Variants in CHRM2 observed in about 807,000 individuals in gnomAD.
CHRM2 encodes the protein cholinergic receptor muscarinic 2.
In CHRM2, 8 loss-of-function variants were observed where a neutral mutation model predicts 25.0. The ratio of observed to expected loss-of-function variants is 0.32; its 90% CI spans 0.19 to 0.58. The LOEUF (loss-of-function observed/expected upper bound fraction) is 0.58. CHRM2 is among the 20% of genes least tolerant of loss of function. The pLI is 0.88. For missense variants in CHRM2, 440 were observed against 567.1 expected, an observed-to-expected ratio of 0.78 and a Z score of 2.28; for synonymous variants, 202 against 205.7, an observed-to-expected ratio of 0.98 and a Z score of 0.15.
At chr7:136,893,789 T>C (rs1217683642) in intron 2 of CHRM2, among the ~76,000 whole-genome samples, 1 of 152,190 alleles carries the variant, frequency 6.6e-6, no homozygotes, top group African/African-American at 2.4e-5. Context: ...AGGAGATGTG[T>C]TGAGGGGCTG....
intron 2 of CHRM2, among the ~76,000 whole-genome samples, chr7:136,886,004 T>C (rs1394679288): frequency 2.0e-5 from 3 of 152,208 alleles, no homozygotes; most frequent in Non-Finnish European, 4.4e-5. Context: ...GGCCAGACTA[T>C]GAAAGAGTCA....
intron 2 of CHRM2, among the ~76,000 whole-genome samples, chr7:136,938,045 C>T (rs982903293): frequency 6.6e-6 from 1 of 152,094 alleles, no homozygotes; most frequent in Non-Finnish European, 1.5e-5. Context: ...AATCACTGAA[C>T]GTAATGGTGT....
At position 136,948,184 on chromosome 7, in the gene CHRM2, T is replaced by C. The variant is rs74462926; in HGVS notation, c.-124-44003T>C. Among the ~76,000 whole-genome samples the C allele has an allele frequency of 1.5e-3, 234 of 152,060 alleles. 2 individuals are homozygous for C. The East Asian group carries it at 0.031, about 20-fold the overall frequency. ...CACCAATGCATAAAGTAATGGACTA[T>C]GGAGTAACTATCATCTAGATAGAAA... On this transcript the variant is annotated intron_variant, in intron 2 of 3. Transcript: ENST00000680005.
chr7:136,877,201 C>T (rs867756114), intron 2 of CHRM2, among the ~76,000 whole-genome samples: 12 of 151,928 alleles, frequency 7.9e-5, no homozygotes, highest in African/African-American at 2.4e-4. Flanking sequence ...TTGCTGTAGC[C>T]GGAGACTTTT....
At chr7:136,919,143 G>A (rs558837524) in intron 2 of CHRM2, among the ~76,000 whole-genome samples, 1 of 152,090 alleles carries the variant, frequency 6.6e-6, no homozygotes, top group South Asian at 2.1e-4. Context: ...TCTTGTTCTT[G>A]GTTCAAGACA....
At chr7:136,886,604 T>C (rs1022716969) in intron 2 of CHRM2, among the ~76,000 whole-genome samples, 9 of 152,100 alleles carry the variant, frequency 5.9e-5, no homozygotes, top group Non-Finnish European at 1.3e-4. Context: ...CAGTGGCTCA[T>C]GTCTGTAATC....
At chr7:136,956,141 A>G (rs1045887825) in intron 2 of CHRM2, among the ~76,000 whole-genome samples, 1 of 152,210 alleles carries the variant, frequency 6.6e-6, no homozygotes, top group Non-Finnish European at 1.5e-5. Context: ...TACAACATAG[A>G]GAATAAAATT....
At chr7:136,935,083 C>T (rs1245489543) in intron 2 of CHRM2, among the ~76,000 whole-genome samples, 1 of 151,936 alleles carries the variant, frequency 6.6e-6, no homozygotes, top group East Asian at 1.9e-4. Flanking sequence ...AGATTCAGTG[C>T]AATTCTGATT....
At chr7:136,919,841 CT>C (rs2130728050) in intron 2 of CHRM2, among the ~76,000 whole-genome samples, 1 of 152,230 alleles carries the variant, frequency 6.6e-6, no homozygotes, top group East Asian at 1.9e-4. Flanking sequence ...TATTTTGGCC[CT>C]TTCAGCTCTA....
chr7:136,936,532 G>T (rs1403759040), intron 2 of CHRM2, among the ~76,000 whole-genome samples: 1 of 152,084 alleles, frequency 6.6e-6, no homozygotes, highest in East Asian at 1.9e-4. Context: ...ATCCATCACA[G>T]CAGATCACAG....
chr7:136,941,913 T>G (rs1330537258), intron 2 of CHRM2, among the ~76,000 whole-genome samples: 1 of 152,170 alleles, frequency 6.6e-6, no homozygotes, highest in Non-Finnish European at 1.5e-5. Context: ...TCTGTCCAGT[T>G]CTAGCTATAT....
At chr7:136,926,914 T>C (rs1798781134) in intron 2 of CHRM2, among the ~76,000 whole-genome samples, 2 of 152,320 alleles carry the variant, frequency 1.3e-5, no homozygotes, top group Middle Eastern at 3.4e-3. Context: ...TAAACTAGCA[T>C]ATTCAGTGGA....
chr7:136,921,794 C>CTTTTTTTTTTTTT (rs398006503), intron 2 of CHRM2, among the ~76,000 whole-genome samples: 19 of 116,630 alleles, frequency 1.6e-4, no homozygotes, highest in Non-Finnish European at 3.3e-4. Flanking sequence ...TTCTTTCTTT[C>CTTTTTTTTTTTTT]TTTTTTTTGA....
At chr7:136,913,927 A>G (rs1157049590) in intron 2 of CHRM2, among the ~76,000 whole-genome samples, 4 of 151,984 alleles carry the variant, frequency 2.6e-5, no homozygotes, top group African/African-American at 4.8e-5. Context: ...TCGGATTGAC[A>G]GTACATTGTG....
intron 3 of CHRM2, among the ~76,000 whole-genome samples, chr7:136,995,578 T>C (rs1291320080): frequency 6.6e-6 from 1 of 151,752 alleles, no homozygotes; most frequent in Non-Finnish European, 1.5e-5. Context: ...GCCTGGACAA[T>C]ATAGGGAGAC....
chr7:136,938,971 T>C (rs1446741407), intron 2 of CHRM2, among the ~76,000 whole-genome samples: 1 of 126,664 alleles, frequency 7.9e-6, no homozygotes, highest in Non-Finnish European at 1.6e-5. Context: ...AAAGAGTGCT[T>C]GTGTAGCCAT....
chr7:136,880,046 C>CT (rs11373690), intron 2 of CHRM2, among the ~76,000 whole-genome samples: 52,454 of 144,692 alleles, frequency 0.36, 9,777 homozygotes, highest in Non-Finnish European at 0.4. Flanking sequence ...CCTCTTGGAT[C>CT]TTTTTTTTTT....
chr7:136,943,068 T>C (rs934342129), intron 2 of CHRM2, among the ~76,000 whole-genome samples: 1 of 152,286 alleles, frequency 6.6e-6, no homozygotes, highest in Middle Eastern at 3.4e-3. Flanking sequence ...GTCAGCCATT[T>C]AGCCTTTCTT....
intron 2 of CHRM2, among the ~76,000 whole-genome samples, chr7:136,880,554 T>A (rs996930507): frequency 6.6e-6 from 1 of 152,010 alleles, no homozygotes; most frequent in African/African-American, 2.4e-5. Flanking sequence ...AGGTCAGTTA[T>A]CTGAAATTCA....
Sources: allele counts gnomAD v4.1 joint callset (sites outside exome capture counted in the v4.1 genomes callset), GRCh38; gene constraint gnomAD v4.1.1; transcripts MANE v1.5; gene names NCBI Gene and HGNC (gene_info 2026-07-23, HGNC 2026-07-21).